FHIT: variants seen among roughly 807,000 people sequenced by gnomAD.
FHIT encodes the protein bis(5'-adenosyl)-triphosphatase.
FHIT carries 19 observed loss-of-function variants against 17.9 expected under a neutral mutation model. That is an observed-to-expected ratio of 1.06 (90% CI 0.74 to 1.56). The LOEUF (loss-of-function observed/expected upper bound fraction) is 1.56. Ranked by LOEUF, FHIT falls within the 40% of genes most tolerant of loss-of-function variation. FHIT has a pLI of 0.00. For synonymous variants in FHIT, 81 were observed against 69.7 expected (o/e 1.16, Z -0.81); for missense variants, 248 against 189.2 (o/e 1.31, Z -1.82).
In FHIT at chr3:60,104,808, C is replaced by G. The variant is rs7616500; in HGVS notation, c.104-90656G>C. On this transcript the variant is annotated intron_variant, in intron 5 of 9. Coordinates refer to ENST00000492590, the MANE Select transcript of FHIT (RefSeq NM_002012.4). ...CCAAAGTTGAGTTCAAATTTAGTCA[C>G]TTCAGTCACCAAGAATCCAGGAAAC... 3.1e-3 allele frequency among the ~76,000 whole-genome samples: 478 copies of G among 152,190 alleles called. 7 individuals carry two copies. Among genetic ancestry groups the G allele is most frequent in the African/African-American group, 0.011 (462 of 41,550 alleles).
In FHIT at chr3:61,110,061, C is replaced by T. The variant is rs568687073; in HGVS notation, c.-163-67962G>A. The stretch of plus-strand genomic sequence containing the variant: ...TGTGATCCTGGACTGTCTATCTCTA[C>T]TTAGGAGCCTGCTAAAACCTAAGTC... On this transcript the variant is annotated intron_variant, in intron 2 of 9. Coordinates refer to ENST00000492590, the MANE Select transcript of FHIT (RefSeq NM_002012.4). 5.3e-5 allele frequency among the ~76,000 whole-genome samples: 8 copies of T among 152,316 alleles called. No individual in the cohort carries two copies. In the East Asian group the frequency reaches 9.7e-4, roughly 18 times the overall value.
At chr3:59,858,214 TCTTC>T (rs1702252881) in intron 8 of FHIT, among the ~76,000 whole-genome samples, 1 of 150,744 alleles carries the variant, frequency 6.6e-6, no homozygotes, top group African/African-American at 2.4e-5. Context: ...TAAATGGTGA[TCTTC>T]CTTCCTTTTC....
At chr3:61,211,938 C>T (rs567733272) in intron 1 of FHIT, among the ~76,000 whole-genome samples, 1 of 152,208 alleles carries the variant, frequency 6.6e-6, no homozygotes, top group Non-Finnish European at 1.5e-5. Context: ...AGTCCTGCAG[C>T]TGAGGGTCCT....
At chr3:60,686,587 T>C (rs577452565) in intron 4 of FHIT, among the ~76,000 whole-genome samples, 1 of 152,258 alleles carries the variant, frequency 6.6e-6, no homozygotes, top group Admixed American at 6.5e-5. Context: ...AGAGAAAATC[T>C]ATATTGATAT....
intron 7 of FHIT, among the ~76,000 whole-genome samples, chr3:59,946,939 T>G (rs547796580): frequency 1.3e-5 from 2 of 152,348 alleles, no homozygotes; most frequent in African/African-American, 2.4e-5. Flanking sequence ...GATTTTTATA[T>G]CTATGTTCAT....
intron 5 of FHIT, chr3:60,536,621 G>C (rs2035989608): frequency 2.5e-6 from 1 of 395,682 alleles, no homozygotes; most frequent in Non-Finnish European, 4.4e-6. Flanking sequence ...AGCCACGGTT[G>C]CTAAGCAACT....
chr3:61,190,930 G>A, intron 2 of FHIT, among the ~76,000 whole-genome samples: 1 of 132,442 alleles, frequency 7.6e-6, no homozygotes, highest in Non-Finnish European at 1.6e-5. Flanking sequence ...GGGGCTTGTT[G>A]TGGGGTGGGG....
chr3:60,578,386 G>A (rs1444129989), intron 4 of FHIT, among the ~76,000 whole-genome samples: 1 of 149,498 alleles, frequency 6.7e-6, no homozygotes, highest in Non-Finnish European at 1.5e-5. Flanking sequence ...GCAGTGAGCC[G>A]AGATCTCACC....
At chr3:60,319,564 T>C (rs1709324473) in intron 5 of FHIT, among the ~76,000 whole-genome samples, 1 of 151,924 alleles carries the variant, frequency 6.6e-6, no homozygotes, top group Non-Finnish European at 1.5e-5. Context: ...ACCAAAGAAA[T>C]GTATCAGGTT....
chr3:60,668,963 T>C (rs2040446395), intron 4 of FHIT, among the ~76,000 whole-genome samples: 1 of 152,174 alleles, frequency 6.6e-6, no homozygotes, highest in Admixed American at 6.5e-5. Context: ...TGGGTCTACA[T>C]CATCTTTTCT....
chr3:60,965,396 G>A (rs1183837638), intron 3 of FHIT, among the ~76,000 whole-genome samples: 2 of 152,326 alleles, frequency 1.3e-5, no homozygotes, highest in East Asian at 3.9e-4. Context: ...TTAGCTTGGA[G>A]AAGTTTGTTA....
intron 3 of FHIT, among the ~76,000 whole-genome samples, chr3:60,907,122 T>C (rs1230765468): frequency 6.6e-6 from 1 of 152,012 alleles, no homozygotes; most frequent in East Asian, 1.9e-4. Context: ...GATACTAATT[T>C]CAAGGCAAAA....
chr3:60,464,560 A>G (rs2032676041), intron 5 of FHIT, among the ~76,000 whole-genome samples: 1 of 151,744 alleles, frequency 6.6e-6, no homozygotes, highest in Non-Finnish European at 1.5e-5. Context: ...TCTTTCCGTG[A>G]GCTCAGTTGT....
intron 4 of FHIT, among the ~76,000 whole-genome samples, chr3:60,731,149 A>T (rs1227878612): frequency 2.0e-5 from 3 of 152,000 alleles, no homozygotes; most frequent in Non-Finnish European, 4.4e-5. Context: ...ATAAATAAAT[A>T]AAAATAAAAA....
chr3:60,558,525 G>T (rs1405222220), intron 4 of FHIT, among the ~76,000 whole-genome samples: 1 of 152,004 alleles, frequency 6.6e-6, no homozygotes, highest in South Asian at 2.1e-4. Context: ...GGTCTTTGGA[G>T]TTCTAGGATG....
intron 5 of FHIT, among the ~76,000 whole-genome samples, chr3:60,444,153 C>T (rs2031145026): frequency 1.3e-5 from 2 of 152,280 alleles, no homozygotes; most frequent in African/African-American, 2.4e-5. Context: ...GATACCATCT[C>T]ACACCAGTTA....
chr3:60,485,298 AC>A (rs1225611196), intron 5 of FHIT, among the ~76,000 whole-genome samples: 1 of 152,214 alleles, frequency 6.6e-6, no homozygotes, highest in African/African-American at 2.4e-5. Flanking sequence ...CAATCCCATT[AC>A]CAGGTATATG....
intron 5 of FHIT, among the ~76,000 whole-genome samples, chr3:60,140,092 G>A (rs898044091): frequency 2.6e-5 from 4 of 152,024 alleles, no homozygotes; most frequent in African/African-American, 9.7e-5. Flanking sequence ...CTGCACAACA[G>A]CCTGGGCAAC....
chr3:61,205,904 C>A (rs2106716494), intron 1 of FHIT, among the ~76,000 whole-genome samples: 1 of 148,616 alleles, frequency 6.7e-6, no homozygotes, highest in East Asian at 2.0e-4. Context: ...ATGCCTATGT[C>A]CTGAATGGTA....
Sources: gnomAD v4.1 joint callset for allele counts (sites outside exome capture counted in the v4.1 genomes callset) on GRCh38, gnomAD v4.1.1 for gene constraint, MANE v1.5 for transcripts, NCBI Gene and HGNC (gene_info 2026-07-23, HGNC 2026-07-21) for gene names.